ADCY5: variants seen among roughly 807,000 people sequenced by gnomAD.
ADCY5 encodes adenylate cyclase type 5.
ADCY5 carries 30 observed loss-of-function variants against 119.7 expected under a neutral mutation model. The ratio of observed to expected loss-of-function variants is 0.25; its 90% CI spans 0.19 to 0.34. The LOEUF (loss-of-function observed/expected upper bound fraction) is 0.34, where lower values mean the gene tolerates loss of function less well. Among genes scored for constraint, ADCY5 ranks in the 10% least tolerant of loss-of-function variants. The pLI, the probability that ADCY5 is intolerant of heterozygous loss-of-function variation, is 1.00. For synonymous variants in ADCY5, 753 were observed against 762.2 expected, an observed-to-expected ratio of 0.99 and a Z score of 0.20; for missense variants, 1,324 against 1,775.2, an observed-to-expected ratio of 0.75 and a Z score of 4.57.
intron 3 of ADCY5, among the ~76,000 whole-genome samples, chr3:123,334,148 G>A (rs1941914565): frequency 6.6e-6 from 1 of 152,146 alleles, no homozygotes; most frequent in Admixed American, 6.5e-5. Flanking sequence ...AAACTCTCAT[G>A]TACTGAGATG....
chr3:123,302,988 T>C (rs1040123066), intron 14 of ADCY5, 67 bp downstream of exon 14: 117 of 1,560,532 alleles, frequency 7.5e-5, no homozygotes, highest in Non-Finnish European at 9.7e-5. Context: ...CCTGAGCAGC[T>C]GCAGTGACAG....
chr3:123,285,888 T>C (rs957510539), intron 20 of ADCY5, among the ~76,000 whole-genome samples: 1 of 152,190 alleles, frequency 6.6e-6, no homozygotes, highest in Non-Finnish European at 1.5e-5. Flanking sequence ...AGGACTGTGC[T>C]TGGGGTCAGG....
chr3:123,332,495 C>T, intron 4 of ADCY5, 69 bp downstream of exon 4: 1 of 1,224,572 alleles, frequency 8.2e-7, no homozygotes, highest in Admixed American at 1.9e-5. Context: ...TCAGCAGGTC[C>T]TCGACCACAG....
chr3:123,364,158 C>T (rs1308109484), intron 1 of ADCY5, among the ~76,000 whole-genome samples: 1 of 151,778 alleles, frequency 6.6e-6, no homozygotes, highest in East Asian at 1.9e-4. Flanking sequence ...TACTTTTTTT[C>T]TTTATACCAA....
chr3:123,364,958 G>T (rs1377062323), intron 1 of ADCY5, among the ~76,000 whole-genome samples: 1 of 149,010 alleles, frequency 6.7e-6, no homozygotes, highest in Non-Finnish European at 1.5e-5. Flanking sequence ...TTTTGAGACG[G>T]AGTCTTGCTC....
At chr3:123,329,603 T>C (rs936025720) in intron 5 of ADCY5, among the ~76,000 whole-genome samples, 13 of 152,086 alleles carry the variant, frequency 8.5e-5, no homozygotes, top group African/African-American at 2.9e-4. Context: ...GGGTAATGGA[T>C]GAACTCAGAT....
intron 1 of ADCY5, among the ~76,000 whole-genome samples, chr3:123,438,145 A>G (rs1576697349): frequency 6.6e-6 from 1 of 152,282 alleles, no homozygotes; most frequent in East Asian, 1.9e-4. Context: ...CCCCTGAAGA[A>G]TTGTATCCTA....
chr3:123,284,425 G>T lies in ADCY5; in HGVS notation c.*183C>A. The T allele has an allele frequency of 2.2e-6, 2 of 917,590 alleles. No individual in the cohort carries two copies. Among genetic ancestry groups the T allele is most frequent in the Non-Finnish European group, 3.2e-6 (2 of 627,792 alleles). The allele number at this position is 917,590 out of a possible 1,614,324, so 56.8% of individuals were successfully genotyped here. A position where few individuals can be genotyped will look rare whatever the true frequency, so the allele number is the denominator to read the frequency against. On this transcript the variant is annotated 3_prime_UTR_variant, in exon 21 of 21. Transcript: ENST00000462833. ...GTGCTCGCAGGACGCTGGCACCCCGGGGCCTGGGACAGAGGCCGCTGCCCA... is the reference window on the plus strand; with the variant it reads ...GTGCTCGCAGGACGCTGGCACCCCGTGGCCTGGGACAGAGGCCGCTGCCCA...
chr3:123,300,594 C>G (rs1212129050), intron 14 of ADCY5, among the ~76,000 whole-genome samples: 1 of 152,218 alleles, frequency 6.6e-6, no homozygotes, highest in African/African-American at 2.4e-5. Flanking sequence ...GTGCCTCGGG[C>G]TGCGTGCTCA....
intron 1 of ADCY5, among the ~76,000 whole-genome samples, chr3:123,359,328 T>TAA (rs951844993): frequency 3.9e-4 from 10 of 25,724 alleles, no homozygotes; most frequent in Admixed American, 1.3e-3. Flanking sequence ...CTACTTATAC[T>TAA]AAAATATATA....
chr3:123,358,433 C>T (rs1185256796), intron 1 of ADCY5, among the ~76,000 whole-genome samples: 1 of 152,028 alleles, frequency 6.6e-6, no homozygotes, highest in African/African-American at 2.4e-5. Flanking sequence ...AGTGATATCC[C>T]ATATCTACAA....
chr3:123,392,439 C>T (rs76970532), intron 1 of ADCY5, among the ~76,000 whole-genome samples: 33 of 152,132 alleles, frequency 2.2e-4, no homozygotes, highest in Admixed American at 1.8e-3. Context: ...TAGATGGGCT[C>T]GGTCTGCAGG....
Position 123,448,535 on chromosome 3 carries a change from G to C in ADCY5, c.11C>G (p.Ser4Cys), listed in dbSNP as rs1945873673. 7.9e-7 allele frequency: 1 copy of C among 1,266,026 alleles called. No homozygotes were observed. The highest frequency in any genetic ancestry group is 1.5e-5 in the African/African-American group (1 of 64,554). 78.4% of individuals were successfully genotyped at this position (1,266,026 alleles called of 1,614,324 possible). A position where few individuals can be genotyped will look rare whatever the true frequency, so the allele number is the denominator to read the frequency against. Residue 4 changes from serine (S) to cysteine (C), a missense_variant, in exon 1 of 21, where the codon TCC becomes TGC. Around this residue, in one of 6 missense-constraint regions of ADCY5, gnomAD observed 585 missense variants for 569.9 expected, o/e 1.03. Transcript: ENST00000462833. ...GTAGCCCGGGGGGCTCACGCTTTTG[G>C]AGCCGGACATCCCCCCCTCGGCCTC... The part of the protein sequence containing the change: MSG[S>C]KSVSPPGYAA...
intron 3 of ADCY5, among the ~76,000 whole-genome samples, chr3:123,344,681 G>C (rs1164316680): frequency 6.6e-6 from 1 of 152,130 alleles, no homozygotes; most frequent in Admixed American, 6.5e-5. Context: ...CCCAAGGGGT[G>C]TTTTTAAACT....
chr3:123,428,287 G>A (rs1413173467), intron 1 of ADCY5, among the ~76,000 whole-genome samples: 1 of 152,194 alleles, frequency 6.6e-6, no homozygotes, highest in East Asian at 1.9e-4. Flanking sequence ...TGAGGCAGGG[G>A]TGGATGTCTT....
At chr3:123,423,176 C>T (rs1286843325) in intron 1 of ADCY5, among the ~76,000 whole-genome samples, 1 of 152,114 alleles carries the variant, frequency 6.6e-6, no homozygotes, top group Non-Finnish European at 1.5e-5. Flanking sequence ...CCCCAATTGC[C>T]GGCCCATCCC....
intron 20 of ADCY5, among the ~76,000 whole-genome samples, chr3:123,284,988 G>A (rs985881036): frequency 3.9e-5 from 6 of 152,224 alleles, no homozygotes; most frequent in Non-Finnish European, 7.3e-5. Context: ...CGGGCAGCTT[G>A]CGTGTGCTGT....
intron 1 of ADCY5, among the ~76,000 whole-genome samples, chr3:123,427,912 A>G (rs1945445101): frequency 6.6e-6 from 1 of 152,212 alleles, no homozygotes; most frequent in Admixed American, 6.5e-5. Flanking sequence ...TCAGCCCAAC[A>G]ATCATTTAAC....
chr3:123,405,168 C>T (rs962693605), intron 1 of ADCY5, among the ~76,000 whole-genome samples: 3 of 152,374 alleles, frequency 2.0e-5, no homozygotes, highest in South Asian at 4.1e-4. Flanking sequence ...CAGCGAAGGC[C>T]GGCGAGGCCA....
Sources: allele counts gnomAD v4.1 joint callset (sites outside exome capture counted in the v4.1 genomes callset), GRCh38; gene constraint gnomAD v4.1.1; regional missense constraint gnomAD v4.1.1; transcripts MANE v1.5; gene names NCBI Gene and HGNC (gene_info 2026-07-23, HGNC 2026-07-21).